Variants in CXADR observed in about 807,000 individuals in gnomAD.
The protein encoded by CXADR is coxsackievirus and adenovirus receptor.
Under a neutral mutation model 40.3 loss-of-function variants are expected in CXADR, and 20 were observed. The ratio of observed to expected loss-of-function variants is 0.50; its 90% confidence interval spans 0.35 to 0.72. The LOEUF is 0.72. CXADR is among the 30% of genes least tolerant of loss of function. The pLI is 0.01. For synonymous variants in CXADR, 150 were observed against 161.3 expected (o/e 0.93, Z 0.53); for missense variants, 332 against 449.1 (o/e 0.74, Z 2.36).
chr21:17,591,220 A>C (rs1361358978), intron 7 of CXADR, among the ~76,000 whole-genome samples: 1 of 152,002 alleles, frequency 6.6e-6, no homozygotes, highest in Non-Finnish European at 1.5e-5. Context: ...GTTTTCTGTG[A>C]TCTTGGGCAT....
At chr21:17,514,016 AT>A (rs2060426814) in intron 1 of CXADR, among the ~76,000 whole-genome samples, 1 of 152,192 alleles carries the variant, frequency 6.6e-6, no homozygotes, top group South Asian at 2.1e-4. Flanking sequence ...CATGTGAAAA[AT>A]GCGTGGACCA....
the CXADR span, among the ~76,000 whole-genome samples, chr21:17,629,582 C>A: frequency 6.6e-6 from 1 of 151,662 alleles, no homozygotes; most frequent in African/African-American, 2.4e-5. Flanking sequence ...CAAAACAAAA[C>A]AAAACCCAAA....
chr21:17,630,603 G>C, the CXADR span, among the ~76,000 whole-genome samples: 1 of 146,498 alleles, frequency 6.8e-6, no homozygotes, highest in Admixed American at 6.8e-5. Context: ...TAAATGTTTT[G>C]ACTCTCCTGT....
At chr21:17,545,142 G>A (rs549500557) in intron 1 of CXADR, among the ~76,000 whole-genome samples, 51 of 127,548 alleles carry the variant, frequency 4.0e-4, no homozygotes, top group African/African-American at 1.4e-3. Context: ...GGCAGGCCCC[G>A]TGAACCATAC....
chr21:17,585,592 A>T (rs1434872569), intron 7 of CXADR, among the ~76,000 whole-genome samples: 1 of 152,078 alleles, frequency 6.6e-6, no homozygotes, highest in African/African-American at 2.4e-5. Flanking sequence ...ATCTCGGCTC[A>T]CTGCAACCTC....
the CXADR span, among the ~76,000 whole-genome samples, chr21:17,601,623 G>GTTTTAGCAA: frequency 6.6e-6 from 1 of 152,146 alleles, no homozygotes; most frequent in African/African-American, 2.4e-5. Flanking sequence ...TTAGCATAAG[G>GTTTTAGCAA]TTTTAGCAAT....
At chr21:17,558,839 T>TA in intron 3 of CXADR, 137 bp from the exon 4 acceptor site, 7 of 815,676 alleles carry the variant, frequency 8.6e-6, no homozygotes, top group South Asian at 8.1e-5. Context: ...GTTGATCACT[T>TA]ACTGTGGTCT....
At chr21:17,544,117 T>C (rs2060863979) in intron 1 of CXADR, among the ~76,000 whole-genome samples, 1 of 152,148 alleles carries the variant, frequency 6.6e-6, no homozygotes. Flanking sequence ...GCCGAGTAAG[T>C]GATACCGATG....
chr21:17,560,664 A>G (rs747899471), intron 4 of CXADR, 38 bp from the exon 5 acceptor site: 2 of 1,588,628 alleles, frequency 1.3e-6, no homozygotes, highest in East Asian at 2.2e-5. Flanking sequence ...AATACATACT[A>G]TAAAAATGAG....
intron 3 of CXADR, among the ~76,000 whole-genome samples, chr21:17,554,285 G>C (rs1000706422): frequency 1.0e-5 from 1 of 99,064 alleles, no homozygotes; most frequent in Admixed American, 1.1e-4. Flanking sequence ...ACCTGAGTTG[G>C]GTGGTAGGGG....
chr21:17,592,718 C>A (rs982948352), intron 7 of CXADR, among the ~76,000 whole-genome samples: 2 of 151,446 alleles, frequency 1.3e-5, no homozygotes, highest in African/African-American at 2.4e-5. Context: ...CAAACATGCT[C>A]ATGTTTGAAT....
rs970344053 is a variant in CXADR, at chr21:17,514,293, A to G, written c.43+1121A>G. ...TGCTTCCTGTTGAAATGTTAATTCC[A>G]TTGTTGGATGCCACAGCTGTGAGCA... On this transcript the variant is annotated intron_variant, in intron 1 of 6. Transcript: ENST00000284878. Among the ~76,000 whole-genome samples the G allele has an allele frequency of 1.3e-5, 2 of 152,096 alleles. 1 individual carries two copies. The highest frequency in any genetic ancestry group is 6.8e-3 in the Middle Eastern group (2 of 294).
chr21:17,530,535 C>T (rs1370235132), intron 1 of CXADR: 9 of 411,394 alleles, frequency 2.2e-5, no homozygotes, highest in South Asian at 5.3e-5. Context: ...CTGTGAAGGC[C>T]GGGCGTGGTG....
At chr21:17,527,487 T>C (rs2060611132) in intron 1 of CXADR, among the ~76,000 whole-genome samples, 1 of 152,198 alleles carries the variant, frequency 6.6e-6, no homozygotes, top group Admixed American at 6.5e-5. Context: ...TATGTACTTA[T>C]GGGCAAGGCA....
Position 17,564,040 on chromosome 21 carries a change from CAGTA to C in CXADR, c.834-1383_834-1380del, listed in dbSNP as rs945530562. On this transcript the variant is annotated intron_variant, in intron 6 of 6. Transcript: ENST00000284878. ...GAAAAAACAAAACAAAACAAAAATG[CAGTA>C]AGTATCTATGAAGTGTAATAAAAGC... Among the ~76,000 whole-genome samples the C allele has an allele frequency of 3.3e-5, 5 of 149,534 alleles. No homozygotes were observed. In the East Asian group the frequency reaches 5.9e-4, roughly 18 times the overall value.
Position 17,568,069 on chromosome 21 carries a change from T to C in CXADR, c.*2377T>C. ...CGAATTACTACTGGTAATCAAGTAGTTGAACAAAAAATTACTAAAGCATTT... is the reference window on the plus strand; with the variant it reads ...CGAATTACTACTGGTAATCAAGTAGCTGAACAAAAAATTACTAAAGCATTT... On this transcript the variant is annotated 3_prime_UTR_variant, in exon 7 of 7. Transcript: ENST00000284878. 1.0e-6 allele frequency: 1 copy of C among 984,934 alleles called. No individual in the cohort carries two copies. Among genetic ancestry groups the C allele is most frequent in the Non-Finnish European group, 1.2e-6 (1 of 829,872 alleles). 61.0% of individuals were successfully genotyped at this position (984,934 alleles called of 1,614,324 possible). A position where few individuals can be genotyped will look rare whatever the true frequency, so the allele number is the denominator to read the frequency against.
In CXADR at chr21:17,513,064, G is replaced by A; in HGVS notation, c.-66G>A. 7.7e-7 allele frequency: 1 copy of A among 1,307,004 alleles called. No homozygotes were observed. Among genetic ancestry groups the A allele is most frequent in the Non-Finnish European group, 9.8e-7 (1 of 1,020,332 alleles). The allele number at this position is 1,307,004 out of a possible 1,614,324, so 81.0% of individuals were successfully genotyped here. ...AGCCAGTCGGGAGCGCGCGAGGCGC[G>A]GGGAGCCTGGGACCAGGAGCGAGAG... On this transcript the variant is annotated 5_prime_UTR_variant, in exon 1 of 7. Coordinates refer to ENST00000284878, the MANE Select transcript of CXADR (RefSeq NM_001338.5).
chr21:17,534,777 C>T (rs1813297913), intron 1 of CXADR, among the ~76,000 whole-genome samples: 1 of 131,094 alleles, frequency 7.6e-6, no homozygotes, highest in Non-Finnish European at 1.6e-5. Flanking sequence ...ATTTGTCTAA[C>T]TTATTTTCTT....
downstream of CXADR, among the ~76,000 whole-genome samples, chr21:17,573,883 G>T (rs1218695374): frequency 1.3e-5 from 2 of 152,158 alleles, no homozygotes; most frequent in African/African-American, 4.8e-5. Context: ...CTCCAGCCTG[G>T]GCAACAGAGC....
Sources: allele counts gnomAD v4.1 joint callset (sites outside exome capture counted in the v4.1 genomes callset), GRCh38; gene constraint gnomAD v4.1.1; transcripts MANE v1.5; gene names NCBI Gene and HGNC (gene_info 2026-07-23, HGNC 2026-07-21).